MPP7: variants seen among roughly 807,000 people sequenced by gnomAD.
MPP7 encodes MAGUK p55 subfamily member 7.
A neutral mutation model predicts 76.5 loss-of-function variants in MPP7; 60 were observed. That is an observed-to-expected ratio of 0.78 (90% CI 0.64 to 0.97). MPP7 has a LOEUF of 0.97. Among genes scored for constraint, MPP7 ranks in the 50% least tolerant of loss-of-function variants. MPP7 has a pLI of 0.00. For missense variants in MPP7, 641 were observed against 694.0 expected, an observed-to-expected ratio of 0.92 and a Z score of 0.86; for synonymous variants, 237 against 244.5, an observed-to-expected ratio of 0.97 and a Z score of 0.29.
chr10:28,264,814 G>A (rs972454809), intron 1 of MPP7, among the ~76,000 whole-genome samples: 18 of 152,064 alleles, frequency 1.2e-4, no homozygotes, highest in Non-Finnish European at 2.2e-4. Context: ...TGGTGGCGGT[G>A]GGTAAAAAGG....
rs1390847304 is a variant in MPP7, at chr10:28,069,838, C to T, written c.1138G>A (p.Gly380Arg). ...LVVLVGPVGV[G>R]LNELKRKLLI... ...AGCTTTCGTTTCAGTTCATTCAGCC[C>T]TACTCCCACGGGACCTGAAAAACAG... The change falls in exon 13 of 17, where the codon GGG becomes AGG. Residue 380 changes from glycine to arginine, a missense_variant. Coordinates refer to ENST00000683449, the MANE Select transcript of MPP7 (RefSeq NM_001318170.2). 6.2e-7 allele frequency: 1 copy of T among 1,613,654 alleles called. No homozygotes were observed. The highest frequency in any genetic ancestry group is 8.5e-7 in the Non-Finnish European group (1 of 1,179,904).
intron 5 of MPP7, among the ~76,000 whole-genome samples, chr10:28,142,737 A>G (rs1440694154): frequency 6.6e-6 from 1 of 152,224 alleles, no homozygotes; most frequent in African/African-American, 2.4e-5. Flanking sequence ...TCTCAAAAAA[A>G]GAGAAAGAAT....
At chr10:28,056,651 A>G (rs1851570627) in intron 15 of MPP7, 28 bp from the exon 16 acceptor site, 1 of 1,523,460 alleles carries the variant, frequency 6.6e-7, no homozygotes, top group African/African-American at 1.4e-5. Flanking sequence ...AAGTTTTCTC[A>G]CATTTCTCCA....
intron 3 of MPP7, among the ~76,000 whole-genome samples, chr10:28,197,880 C>T (rs12255686): frequency 0.27 from 41,238 of 151,922 alleles, 6,723 homozygotes; most frequent in East Asian, 0.43. Flanking sequence ...ATTGTATACT[C>T]CATAAAAATA....
chr10:28,327,877 C>T lies in MPP7; in HGVS notation c.-132+2052G>A, dbSNP rs774912364. Reference sequence around the variant, plus strand: ...GGACCAGAAAGAGCTCGGATAATAACTCCTTAAAGATAAGAGGAAATAAAT... The same window carrying T: ...GGACCAGAAAGAGCTCGGATAATAATTCCTTAAAGATAAGAGGAAATAAAT... On this transcript the variant is annotated intron_variant, in intron 2 of 11. Coordinates refer to the MPP7 transcript ENST00000441595. Among the ~76,000 whole-genome samples, 37 of 152,302 alleles carry T rather than the reference C, an allele frequency of 2.4e-4. 1 individual carries two copies. The highest frequency in any genetic ancestry group is 4.9e-4 in the Non-Finnish European group (33 of 68,032).
intron 2 of MPP7, among the ~76,000 whole-genome samples, chr10:28,320,119 C>T (rs1455899896): frequency 6.6e-6 from 1 of 152,100 alleles, no homozygotes; most frequent in African/African-American, 2.4e-5. Flanking sequence ...CAGTTAGTGA[C>T]TCTGGAGAAG....
At chr10:28,194,485 G>C (rs779352503) in intron 3 of MPP7, among the ~76,000 whole-genome samples, 24 of 152,154 alleles carry the variant, frequency 1.6e-4, no homozygotes, top group Non-Finnish European at 2.8e-4. Flanking sequence ...CCTTCAAAAG[G>C]TTAATGGAGA....
At chr10:28,238,125 A>G (rs934396720) in intron 2 of MPP7, among the ~76,000 whole-genome samples, 1 of 152,154 alleles carries the variant, frequency 6.6e-6, no homozygotes, top group Admixed American at 6.5e-5. Flanking sequence ...CTGGTGACAG[A>G]CAGAAAACAG....
intron 6 of MPP7, among the ~76,000 whole-genome samples, chr10:28,125,976 AG>A (rs1835004822): frequency 1.3e-5 from 2 of 152,244 alleles, no homozygotes; most frequent in African/African-American, 2.4e-5. Flanking sequence ...ACTGCTAAAA[AG>A]GTATGCTTTT....
At position 28,053,018 on chromosome 10, in the gene MPP7, G is replaced by A. The variant is rs1851418230; in HGVS notation, c.*1047C>T. ...ACTTCTTTAACAATGGCAAGGTTAG[G>A]ATGGTGTCTGGACAGTGTTAACAAG... On this transcript the variant is annotated 3_prime_UTR_variant, in exon 17 of 17. Coordinates refer to ENST00000683449, the MANE Select transcript of MPP7 (RefSeq NM_001318170.2). 6.6e-6 allele frequency: 1 copy of A among 152,152 alleles called. No homozygotes were observed. The highest frequency in any genetic ancestry group is 1.5e-5 in the Non-Finnish European group (1 of 68,044). 9.4% of individuals were successfully genotyped at this position (152,152 alleles called of 1,614,324 possible).
rs191266691 is a variant in MPP7 at position 28,059,021 on chromosome 10, C to T, written c.1299-418G>A. On this transcript the variant is annotated intron_variant, in intron 14 of 16. Transcript: ENST00000683449. Reference sequence around the variant, plus strand: ...TGGTGGCTAATGGAGCCAGGGCAGTCGATCATGTGCTATAAAAACACAATC... The same window carrying T: ...TGGTGGCTAATGGAGCCAGGGCAGTTGATCATGTGCTATAAAAACACAATC... 6.9e-4 allele frequency among the ~76,000 whole-genome samples: 105 copies of T among 152,284 alleles called. 1 individual carries two copies. The East Asian group carries it at 8.3e-3, about 12-fold the overall frequency.
At chr10:28,209,101 A>G (rs1261121886) in intron 2 of MPP7, among the ~76,000 whole-genome samples, 1 of 152,100 alleles carries the variant, frequency 6.6e-6, no homozygotes, top group Non-Finnish European at 1.5e-5. Flanking sequence ...CCTCCTCAGA[A>G]GCAGATGCCA....
At chr10:28,106,056 G>A (rs1834315227) in intron 11 of MPP7, among the ~76,000 whole-genome samples, 1 of 152,144 alleles carries the variant, frequency 6.6e-6, no homozygotes, top group South Asian at 2.1e-4. Flanking sequence ...ATTGTCTGAT[G>A]TAGAATGGTC....
At chr10:28,290,285 C>A (rs1409285029) in intron 1 of MPP7, among the ~76,000 whole-genome samples, 1 of 140,986 alleles carries the variant, frequency 7.1e-6, no homozygotes, top group African/African-American at 2.7e-5. Context: ...TTTTTACTTT[C>A]CTTTTTTTTT....
rs1330280845 is a variant in MPP7, at chr10:28,202,244, G to A, written c.65C>T (p.Pro22Leu). The change falls in exon 3 of 17, where the codon CCA becomes CTA. Residue 22 changes from proline (P) to leucine (L), a missense_variant. Physicochemically the swap from Pro to Leu is moderately conservative, Grantham distance 98. Coordinates refer to ENST00000683449, the MANE Select transcript of MPP7 (RefSeq NM_001318170.2). ...TGLYELLAAL[P>L]AQLQPHVDSQ... is the part of the protein sequence containing the mutation. Reference sequence around the variant, plus strand: ...ATCCACATGTGGCTGCAGCTGGGCTGGCAGAGCAGCCAACAGCTCATACAG... The same window carrying A: ...ATCCACATGTGGCTGCAGCTGGGCTAGCAGAGCAGCCAACAGCTCATACAG... 6.2e-7 allele frequency: 1 copy of A among 1,613,078 alleles called. No homozygotes were observed. Among genetic ancestry groups the A allele is most frequent in the African/African-American group, 1.3e-5 (1 of 74,994 alleles).
At chr10:28,087,073 G>C (rs570998346) in intron 12 of MPP7, among the ~76,000 whole-genome samples, 1 of 152,292 alleles carries the variant, frequency 6.6e-6, no homozygotes, top group African/African-American at 2.4e-5. Flanking sequence ...GGTCATAAGA[G>C]CAGATCCCTC....
chr10:28,254,616 C>A (rs536913937), intron 1 of MPP7, among the ~76,000 whole-genome samples: 1 of 152,112 alleles, frequency 6.6e-6, no homozygotes, highest in Admixed American at 6.5e-5. Flanking sequence ...GAATTATCTT[C>A]GGTGTAAGTT....
At chr10:28,096,280 G>C (rs2133485997) in intron 11 of MPP7, among the ~76,000 whole-genome samples, 1 of 152,282 alleles carries the variant, frequency 6.6e-6, no homozygotes, top group East Asian at 1.9e-4. Context: ...CCCACCAGCA[G>C]TATGTACAGT....
At chr10:28,170,580 C>T (rs1262179519) in intron 3 of MPP7, among the ~76,000 whole-genome samples, 4 of 150,302 alleles carry the variant, frequency 2.7e-5, no homozygotes, top group Non-Finnish European at 4.4e-5. Context: ...TCTATCACTC[C>T]TTATTATTAC....
Sources: allele counts gnomAD v4.1 joint callset (sites outside exome capture counted in the v4.1 genomes callset), GRCh38; gene constraint gnomAD v4.1.1; transcripts MANE v1.5; gene names NCBI Gene and HGNC (gene_info 2026-07-23, HGNC 2026-07-21).